The following NCKAP1L variants were observed in gnomAD, a reference collection of about 807,000 sequenced individuals.
NCKAP1L encodes nck-associated protein 1-like.
A neutral mutation model predicts 139.2 loss-of-function variants in NCKAP1L; 53 were observed. The observed-to-expected ratio is 0.38, with a 90% CI of 0.31 to 0.48. NCKAP1L has a LOEUF of 0.48. Among genes scored for constraint, NCKAP1L ranks in the 20% least tolerant of loss-of-function variants. The probability of loss-of-function intolerance (pLI) is 0.98; values close to 1 mark genes in which losing one functional copy is unlikely to be tolerated. For synonymous variants in NCKAP1L, 468 were observed against 499.7 expected, an observed-to-expected ratio of 0.94 and a Z score of 0.85; for missense variants, 1,151 against 1,381.9, an observed-to-expected ratio of 0.83 and a Z score of 2.65.
intron 30 of NCKAP1L, among the ~76,000 whole-genome samples, chr12:54,540,297 T>C (rs1356922772): frequency 6.6e-6 from 1 of 152,214 alleles, no homozygotes; most frequent in Non-Finnish European, 1.5e-5. Flanking sequence ...TATTTATGCC[T>C]TAGTTTCTCC....
chr12:54,518,733 G>A lies in NCKAP1L; in HGVS notation c.1420+1G>A. 6.2e-7 allele frequency: 1 copy of A among 1,611,306 alleles called. No individual in the cohort carries two copies. Among genetic ancestry groups the A allele is most frequent in the Non-Finnish European group, 8.5e-7 (1 of 1,177,482 alleles). On this transcript the variant is annotated splice_donor_variant, in intron 14 of 30. Coordinates refer to ENST00000293373, the MANE Select transcript of NCKAP1L (RefSeq NM_005337.5). LOFTEE classifies it high-confidence loss of function. ...CTCTCCTCTCTGAATCTCAAACAAGGTAACTGGAGGGAGGTGGGGGAGGCA... is the reference window on the plus strand; with the variant it reads ...CTCTCCTCTCTGAATCTCAAACAAGATAACTGGAGGGAGGTGGGGGAGGCA...
At chr12:54,498,189 A>T (rs1956765988) in intron 1 of NCKAP1L, among the ~76,000 whole-genome samples, 1 of 152,068 alleles carries the variant, frequency 6.6e-6, no homozygotes, top group African/African-American at 2.4e-5. Flanking sequence ...ATTCCAAGTG[A>T]CTTGGATAAA....
chr12:54,506,785 T>TAAAAAAAAAAAA (rs1291340610), intron 3 of NCKAP1L, among the ~76,000 whole-genome samples: 1 of 60,350 alleles, frequency 1.7e-5, no homozygotes, highest in Admixed American at 2.7e-4. Flanking sequence ...GGCAACATAT[T>TAAAAAAAAAAAA]AAAAAAAAAA....
Position 54,538,887 on chromosome 12 carries a change from G to T in NCKAP1L, c.3187G>T (p.Ala1063Ser). Reference sequence around the variant, plus strand: ...TTTACAAATTCTTCCCTTACAGGTGGCCTCTGTCAGCCTCTTGCAGCTGGG... The same window carrying T: ...TTTACAAATTCTTCCCTTACAGGTGTCCTCTGTCAGCCTCTTGCAGCTGGG... ...ETHLKEFLVV[A>S]SVSLLQLGQE... is the part of the protein sequence containing the mutation. The change falls in exon 30 of 31, where the codon GCC becomes TCC. Residue 1063 changes from alanine to serine, a missense_variant. Transcript: ENST00000293373. 6.2e-7 allele frequency: 1 copy of T among 1,613,734 alleles called. No individual in the cohort carries two copies. Among genetic ancestry groups the T allele is most frequent in the Non-Finnish European group, 8.5e-7 (1 of 1,179,716 alleles).
chr12:54,506,785 T>TAAAAAAAA (rs1291340610), intron 3 of NCKAP1L, among the ~76,000 whole-genome samples: 16 of 60,352 alleles, frequency 2.7e-4, no homozygotes, highest in Admixed American at 5.5e-4. Flanking sequence ...GGCAACATAT[T>TAAAAAAAA]AAAAAAAAAA....
intron 18 of NCKAP1L, among the ~76,000 whole-genome samples, chr12:54,522,136 G>A (rs978198676): frequency 1.3e-5 from 2 of 152,158 alleles, no homozygotes; most frequent in Non-Finnish European, 2.9e-5. Flanking sequence ...CCAGAAGGAA[G>A]GTACACAATT....
chr12:54,526,976 G>T (rs1267164521), intron 21 of NCKAP1L, among the ~76,000 whole-genome samples: 1 of 152,104 alleles, frequency 6.6e-6, no homozygotes, highest in Non-Finnish European at 1.5e-5. Flanking sequence ...AGCCTACCCT[G>T]CAGTTATTTG....
intron 14 of NCKAP1L, 39 bp downstream of exon 14, chr12:54,518,771 G>A: frequency 4.5e-6 from 7 of 1,561,832 alleles, no homozygotes; most frequent in Non-Finnish European, 6.2e-6. Flanking sequence ...ACATATGTGA[G>A]GATGAACATC....
At position 54,518,579 on chromosome 12, in the gene NCKAP1L, G is replaced by A. The variant is rs538709345; in HGVS notation, c.1339-72G>A. 26 of 1,127,858 alleles carry A rather than the reference G, an allele frequency of 2.3e-5. No individual in the cohort carries two copies. In the African/African-American group the frequency reaches 3.7e-4, roughly 16 times the overall value. The allele number at this position is 1,127,858 out of a possible 1,614,324, so 69.9% of individuals were successfully genotyped here. ...TTCTTTCTACCTTCATACGCTGACT[G>A]AGCCTCATGGTCCTAGTTTCTGTCC... On this transcript the variant is annotated intron_variant, in intron 13 of 30. Transcript: ENST00000293373.
At chr12:54,540,790 C>T (rs1957151808) in intron 30 of NCKAP1L, among the ~76,000 whole-genome samples, 1 of 152,234 alleles carries the variant, frequency 6.6e-6, no homozygotes, top group Admixed American at 6.5e-5. Context: ...CCCCTTCCAA[C>T]ACCCCAAAAT....
chr12:54,517,434 A>G, intron 11 of NCKAP1L, 99 bp from the exon 12 acceptor site: 2 of 803,676 alleles, frequency 2.5e-6, no homozygotes, highest in Non-Finnish European at 4.2e-6. Context: ...TTGTGGCTAC[A>G]CAATTACATC....
In NCKAP1L at chr12:54,517,849, C is replaced by G. The variant is rs1284019334; in HGVS notation, c.1249C>G (p.Leu417Val). The G allele has an allele frequency of 1.9e-6, 3 of 1,614,042 alleles. No homozygotes were observed. In the African/African-American group the frequency reaches 4.0e-5, roughly 22 times the overall value. Reference sequence around the variant, plus strand: ...TTTCTTGTTGGAGGGGATTAGGTCTCTGGTCCGAAGACACATCAAAGTGAT... The same window carrying G: ...TTTCTTGTTGGAGGGGATTAGGTCTGTGGTCCGAAGACACATCAAAGTGAT... Reference protein sequence around the residue: ...LLFLLEGIRSLVRRHIKVIQQ... With the variant: ...LLFLLEGIRSVVRRHIKVIQQ... The change falls in exon 13 of 31, where the codon CTG becomes GTG. Residue 417 changes from leucine to valine, a missense_variant. Coordinates refer to ENST00000293373, the MANE Select transcript of NCKAP1L (RefSeq NM_005337.5).
intron 3 of NCKAP1L, among the ~76,000 whole-genome samples, chr12:54,501,590 G>C (rs936839665): frequency 1.3e-5 from 2 of 151,542 alleles, no homozygotes; most frequent in East Asian, 3.9e-4. Flanking sequence ...CTGCTGCCTC[G>C]ACCTCCTAGG....
intron 3 of NCKAP1L, among the ~76,000 whole-genome samples, chr12:54,505,144 C>T (rs1956830092): frequency 6.6e-6 from 1 of 152,198 alleles, no homozygotes; most frequent in South Asian, 2.1e-4. Context: ...ATTCATTCAG[C>T]AAGTATTTAT....
In NCKAP1L at chr12:54,545,407, T is replaced by A. The variant is rs1408711308; in HGVS notation, c.*2722T>A. On this transcript the variant is annotated 3_prime_UTR_variant, in exon 31 of 31. Transcript: ENST00000293373. ...TGTTCAGTCCTAGACCTTTTCTACT[T>A]GCCCGGTCTGCCTCTTCACAAGGGA... 1 of 152,202 alleles carries A rather than the reference T, an allele frequency of 6.6e-6. No individual in the cohort carries two copies. The highest frequency in any genetic ancestry group is 1.5e-5 in the Non-Finnish European group (1 of 68,034). 9.4% of individuals were successfully genotyped at this position (152,202 alleles called of 1,614,324 possible). A position where few individuals can be genotyped will look rare whatever the true frequency, so the allele number is the denominator to read the frequency against.
intron 9 of NCKAP1L, among the ~76,000 whole-genome samples, chr12:54,513,339 T>C (rs1303226168): frequency 2.6e-5 from 4 of 152,236 alleles, no homozygotes; most frequent in African/African-American, 7.2e-5. Context: ...TGTGGGACAC[T>C]GAAGACAGAT....
At chr12:54,506,796 A>AATATATATATATATATATAT (rs1171488876) in intron 3 of NCKAP1L, among the ~76,000 whole-genome samples, 156 of 50,568 alleles carry the variant, frequency 3.1e-3, no homozygotes, top group South Asian at 4.7e-3. Context: ...AAAAAAAAAA[A>AATATATATATATATATATAT]ATATATATAT....
At chr12:54,531,709 A>T (rs1300309423) in intron 24 of NCKAP1L, 34 bp from the exon 25 acceptor site, 1 of 1,607,346 alleles carries the variant, frequency 6.2e-7, no homozygotes, top group Non-Finnish European at 8.5e-7. Context: ...TCCCTCTCTA[A>T]ATTATCTTTT....
rs532518241 is a variant in NCKAP1L, at chr12:54,517,996, C to T, written c.1338+58C>T. 32 of 1,586,268 alleles carry T rather than the reference C, an allele frequency of 2.0e-5. No individual in the cohort carries two copies. In the African/African-American group the frequency reaches 3.9e-4, roughly 19 times the overall value. On this transcript the variant is annotated intron_variant, in intron 13 of 30. Coordinates refer to ENST00000293373, the MANE Select transcript of NCKAP1L (RefSeq NM_005337.5). ...TTCAGGATGATCCCTAGTGATTTTC[C>T]TATTGAAACCACTCTGGCTGAATCT...
Sources: gnomAD v4.1 joint callset for allele counts (sites outside exome capture counted in the v4.1 genomes callset) on GRCh38, gnomAD v4.1.1 for gene constraint, MANE v1.5 for transcripts, NCBI Gene and HGNC (gene_info 2026-07-23, HGNC 2026-07-21) for gene names.